The following LTBP1 variants were observed in gnomAD, a reference collection of about 807,000 sequenced individuals.
LTBP1 encodes the protein latent transforming growth factor beta binding protein 1, also known as latent-transforming growth factor beta-binding protein 1.
In LTBP1, 129 loss-of-function variants were observed where a neutral mutation model predicts 207.6. The ratio of observed to expected loss-of-function variants is 0.62; its 90% CI spans 0.54 to 0.72. The LOEUF (loss-of-function observed/expected upper bound fraction) is 0.72. Ranked by LOEUF, LTBP1 falls within the 30% of genes least tolerant of loss-of-function variation. The pLI, the probability that LTBP1 is intolerant of heterozygous loss-of-function variation, is 0.00. For synonymous variants in LTBP1, 963 were observed against 833.7 expected, an observed-to-expected ratio of 1.16 and a Z score of -2.67; for missense variants, 2,281 against 2,217.2, an observed-to-expected ratio of 1.03 and a Z score of -0.58.
chr2:32,947,529 G>A lies in LTBP1; in HGVS notation c.205G>A (p.Ala69Thr). ...NARYSRSSAAAGAPSRASPGV... is the reference protein window; with the variant it reads ...NARYSRSSAATGAPSRASPGV... ...CAGGTACAGCCGCAGCTCGGCGGCT[G>A]CCGGCGCCCCCAGCCGTGCCTCCCC... Residue 69 changes from alanine to threonine, a missense_variant, in exon 1 of 34, where the codon GCC (alanine) becomes ACC (threonine). Around this residue, in one of 3 missense-constraint regions of LTBP1, gnomAD observed 555 missense variants for 491.0 expected, o/e 1.13. Transcript: ENST00000404816. 2 of 1,398,628 alleles carry A rather than the reference G, an allele frequency of 1.4e-6. No individual in the cohort carries two copies. Among genetic ancestry groups the A allele is most frequent in the South Asian group, 3.0e-5 (2 of 67,142 alleles). The allele number at this position is 1,398,628 out of a possible 1,614,324, so 86.6% of individuals were successfully genotyped here.
intron 15 of LTBP1, among the ~76,000 whole-genome samples, chr2:33,271,233 A>G (rs1392656194): frequency 6.6e-6 from 1 of 151,646 alleles, no homozygotes; most frequent in African/African-American, 2.4e-5. Context: ...TTTCATGAAA[A>G]CCCCAGATTT....
At chr2:33,121,958 C>T (rs2081147308) in intron 4 of LTBP1, among the ~76,000 whole-genome samples, 3 of 152,010 alleles carry the variant, frequency 2.0e-5, no homozygotes, top group Admixed American at 1.3e-4. Context: ...TTTATTCATC[C>T]GAGAATAAAT....
intron 24 of LTBP1, among the ~76,000 whole-genome samples, chr2:33,319,265 G>T (rs190187163): frequency 3.7e-4 from 56 of 152,220 alleles, no homozygotes; most frequent in East Asian, 3.7e-3. Context: ...GGGTGTGGTG[G>T]CAGGCACCTG....
chr2:33,280,486 G>T (rs1420148483), intron 19 of LTBP1, among the ~76,000 whole-genome samples: 3 of 152,034 alleles, frequency 2.0e-5, no homozygotes, highest in Non-Finnish European at 2.9e-5. Context: ...GAGAGAAGAA[G>T]CATCTACCAC....
intron 26 of LTBP1, among the ~76,000 whole-genome samples, chr2:33,350,171 C>A (rs867912017): frequency 2.0e-5 from 3 of 152,168 alleles, no homozygotes; most frequent in African/African-American, 7.2e-5. Context: ...AAGCTGAGAG[C>A]TCATCCGTCC....
At chr2:33,324,699 C>CTTTTTTT (rs35517435) in intron 24 of LTBP1, among the ~76,000 whole-genome samples, 6 of 123,374 alleles carry the variant, frequency 4.9e-5, no homozygotes, top group East Asian at 2.5e-4. Context: ...TGTATTCTAT[C>CTTTTTTT]TTTTTTTTTT....
chr2:33,048,932 C>T (rs116769863), intron 3 of LTBP1, among the ~76,000 whole-genome samples: 2 of 152,282 alleles, frequency 1.3e-5, no homozygotes, highest in South Asian at 4.2e-4. Flanking sequence ...TTTGAAATTG[C>T]TGGCCTTCTG....
chr2:33,156,505 T>C (rs1018143344), intron 5 of LTBP1, among the ~76,000 whole-genome samples: 1 of 152,160 alleles, frequency 6.6e-6, no homozygotes, highest in Non-Finnish European at 1.5e-5. Context: ...TCCTCACCTG[T>C]AGAATGGGAA....
At chr2:33,382,455 C>A (rs1285487613) in intron 31 of LTBP1, among the ~76,000 whole-genome samples, 1 of 152,130 alleles carries the variant, frequency 6.6e-6, no homozygotes, top group Admixed American at 6.5e-5. Context: ...GAGTTACCTT[C>A]CTTCCTCTTC....
intron 32 of LTBP1, among the ~76,000 whole-genome samples, chr2:33,394,694 T>G (rs1383050310): frequency 1.3e-5 from 2 of 152,250 alleles, no homozygotes; most frequent in Non-Finnish European, 2.9e-5. Flanking sequence ...ATCATGCTGT[T>G]TTGGTTACTG....
chr2:32,949,735 T>C (rs1226042224), intron 2 of LTBP1, among the ~76,000 whole-genome samples: 1 of 152,220 alleles, frequency 6.6e-6, no homozygotes, highest in Non-Finnish European at 1.5e-5. Context: ...GCATAGAGAT[T>C]GAGGCATTCC....
intron 5 of LTBP1, among the ~76,000 whole-genome samples, chr2:33,174,127 T>G (rs973682008): frequency 6.8e-6 from 1 of 147,692 alleles, no homozygotes; most frequent in Non-Finnish European, 1.5e-5. Context: ...ACCACTCCTA[T>G]TCAACATAGT....
chr2:33,010,275 T>C (rs564336763), intron 2 of LTBP1, among the ~76,000 whole-genome samples: 9 of 152,288 alleles, frequency 5.9e-5, no homozygotes, highest in East Asian at 1.9e-4. Flanking sequence ...ACAAGGCTGA[T>C]TGAAGGGAGT....
intron 5 of LTBP1, among the ~76,000 whole-genome samples, chr2:33,171,848 A>G (rs1011002294): frequency 3.3e-5 from 5 of 152,336 alleles, no homozygotes; most frequent in African/African-American, 1.2e-4. Context: ...GTGGGGGCCA[A>G]TATTCAACAT....
intron 4 of LTBP1, among the ~76,000 whole-genome samples, chr2:33,111,017 G>A (rs947783066): frequency 2.6e-5 from 4 of 152,106 alleles, no homozygotes. Flanking sequence ...TCATGTCTAA[G>A]ACATATTTGC....
intron 2 of LTBP1, among the ~76,000 whole-genome samples, chr2:32,953,320 G>A (rs779006276): frequency 7.9e-5 from 12 of 152,194 alleles, no homozygotes; most frequent in Admixed American, 2.6e-4. Context: ...CATCGTGCTT[G>A]CCAAACTTGG....
At chr2:33,373,839 C>A (rs113750724) in intron 31 of LTBP1, among the ~76,000 whole-genome samples, 54 of 152,216 alleles carry the variant, frequency 3.5e-4, no homozygotes, top group African/African-American at 1.3e-3. Context: ...ATAATTTATT[C>A]CTAAATATTA....
rs572139051 is a variant in LTBP1 at position 33,362,754 on chromosome 2, C to T, written c.4271-636C>T. ...TAATAGCAGTAAAAGCAATAGATAA[C>T]ACTTTTGAGTATCTGCTTATGCCAG... On this transcript the variant is annotated intron_variant, in intron 28 of 33. Transcript: ENST00000404816. Among the ~76,000 whole-genome samples, 12 of 152,288 alleles carry T rather than the reference C, an allele frequency of 7.9e-5. No homozygotes were observed. The East Asian group carries it at 2.1e-3, about 27-fold the overall frequency.
intron 4 of LTBP1, among the ~76,000 whole-genome samples, chr2:33,111,361 G>A (rs2080388417): frequency 6.6e-6 from 1 of 152,158 alleles, no homozygotes; most frequent in Non-Finnish European, 1.5e-5. Flanking sequence ...CAGAGTGTCT[G>A]CCGGCAGCAT....
Sources: gnomAD v4.1 joint callset for allele counts (sites outside exome capture counted in the v4.1 genomes callset) on GRCh38, gnomAD v4.1.1 for gene constraint, gnomAD v4.1.1 regional missense constraint, MANE v1.5 for transcripts, NCBI Gene and HGNC (gene_info 2026-07-23, HGNC 2026-07-21) for gene names.